DCHS2: variants seen among roughly 807,000 people sequenced by gnomAD.
DCHS2 encodes the protein protocadherin-23.
Under a neutral mutation model 182.4 loss-of-function variants are expected in DCHS2, and 142 were observed. The observed-to-expected ratio is 0.78, with a 90% CI of 0.68 to 0.89. The LOEUF (loss-of-function observed/expected upper bound fraction) is 0.89, where lower values mean the gene tolerates loss of function less well. Among genes scored for constraint, DCHS2 ranks in the 40% least tolerant of loss-of-function variants. The pLI is 0.00. For missense variants in DCHS2, 4,319 were observed against 4,198.6 expected, an observed-to-expected ratio of 1.03 and a Z score of -0.79; for synonymous variants, 1,740 against 1,663.3, an observed-to-expected ratio of 1.05 and a Z score of -1.12.
intron 1 of DCHS2, among the ~76,000 whole-genome samples, chr4:154,389,307 C>T (rs1274101137): frequency 2.0e-5 from 3 of 151,888 alleles, no homozygotes; most frequent in East Asian, 3.9e-4. Context: ...GGGCCATGTG[C>T]CATGGTTTGC....
chr4:154,376,379 C>T (rs1730893103), intron 2 of DCHS2, among the ~76,000 whole-genome samples: 2 of 151,660 alleles, frequency 1.3e-5, no homozygotes, highest in Non-Finnish European at 2.9e-5. Flanking sequence ...TTTTAAAATC[C>T]AGGAATTTAT....
At chr4:154,316,142 C>A (rs1735848738) in intron 9 of DCHS2, among the ~76,000 whole-genome samples, 155 bp from the exon 10 acceptor site, 1 of 152,178 alleles carries the variant, frequency 6.6e-6, no homozygotes, top group African/African-American at 2.4e-5. Context: ...AATGTATACA[C>A]TATCTACAAT....
chr4:154,411,287 G>A (rs867475018), intron 1 of DCHS2, among the ~76,000 whole-genome samples: 1 of 152,028 alleles, frequency 6.6e-6, no homozygotes, highest in African/African-American at 2.4e-5. Flanking sequence ...AGAATACAAA[G>A]TAGCAAATAA....
At chr4:154,272,949 T>TA (rs1015938426) in intron 13 of DCHS2, among the ~76,000 whole-genome samples, 1 of 152,112 alleles carries the variant, frequency 6.6e-6, no homozygotes, top group African/African-American at 2.4e-5. Context: ...ACTACTCACA[T>TA]ACTATTCCTC....
intron 3 of DCHS2, chr4:154,352,547 T>C (rs1480007379): frequency 6.6e-6 from 1 of 152,112 alleles, no homozygotes; most frequent in African/African-American, 2.4e-5. Context: ...AAATTAAGTA[T>C]AAAATAAAAC....
intron 1 of DCHS2, among the ~76,000 whole-genome samples, chr4:154,422,633 G>A (rs1253726818): frequency 6.6e-6 from 1 of 152,186 alleles, no homozygotes; most frequent in Non-Finnish European, 1.5e-5. Flanking sequence ...AAGCTGTTTA[G>A]TAATCTTCTG....
chr4:154,265,892 T>C (rs991833307), intron 14 of DCHS2, among the ~76,000 whole-genome samples: 2 of 152,190 alleles, frequency 1.3e-5, no homozygotes, highest in Non-Finnish European at 2.9e-5. Flanking sequence ...CAGTGAATGT[T>C]TGAAACTGTG....
intron 3 of DCHS2, among the ~76,000 whole-genome samples, chr4:154,346,260 A>G (rs1022074189): frequency 4.6e-5 from 7 of 152,222 alleles, no homozygotes; most frequent in African/African-American, 1.4e-4. Context: ...AAATATTTAC[A>G]TTATTATACA....
chr4:154,455,901 C>T (rs1403978623), intron 1 of DCHS2, among the ~76,000 whole-genome samples: 2 of 152,002 alleles, frequency 1.3e-5, no homozygotes, highest in East Asian at 3.9e-4. Context: ...CCCAGCCTGG[C>T]CAACATGGTG....
intron 1 of DCHS2, among the ~76,000 whole-genome samples, chr4:154,487,401 G>A (rs1277496227): frequency 6.6e-6 from 1 of 152,176 alleles, no homozygotes; most frequent in Non-Finnish European, 1.5e-5. Flanking sequence ...AGGAGAAACA[G>A]CCAAGTTGCT....
At chr4:154,343,042 C>A (rs562282676) in intron 3 of DCHS2, among the ~76,000 whole-genome samples, 1 of 152,332 alleles carries the variant, frequency 6.6e-6, no homozygotes, top group South Asian at 2.1e-4. Context: ...TGTATATCTT[C>A]ATCAGAGCTC....
rs1731543353 is a variant in DCHS2 at position 154,236,875 on chromosome 4, TA to T, written c.7776del (p.Asn2593IlefsTer53). The T allele has an allele frequency of 6.2e-7, 1 of 1,613,976 alleles. No homozygotes were observed. The highest frequency in any genetic ancestry group is 1.3e-5 in the African/African-American group (1 of 74,922). ...NTYVEYSIIS[G>X]NSQNNFHVET... Reference sequence around the variant, plus strand: ...TCCACATGAAAATTGTTCTGTGAATTACCACTGATGATGGAATATTCAACAT... The same window carrying T: ...TCCACATGAAAATTGTTCTGTGAATTCCACTGATGATGGAATATTCAACAT... On this transcript the variant is annotated frameshift_variant, in exon 20 of 20. Coordinates refer to ENST00000357232, the MANE Select transcript of DCHS2 (RefSeq NM_001358235.2). LOFTEE classifies it low-confidence loss of function (END_TRUNC).
chr4:154,301,856 C>T (rs1735204810), intron 12 of DCHS2, among the ~76,000 whole-genome samples: 1 of 152,082 alleles, frequency 6.6e-6, no homozygotes, highest in Admixed American at 6.5e-5. Context: ...CATGAACTCA[C>T]TGGAAAAAAG....
chr4:154,237,375 CTG>C (rs1439710364), intron 19 of DCHS2: 6 of 641,644 alleles, frequency 9.4e-6, no homozygotes, highest in Non-Finnish European at 1.4e-5. Context: ...GACATTCACT[CTG>C]TGAAATATGT....
chr4:154,300,201 C>T (rs112211628), intron 12 of DCHS2, among the ~76,000 whole-genome samples: 2 of 152,014 alleles, frequency 1.3e-5, no homozygotes, highest in African/African-American at 2.4e-5. Context: ...CTGGCAGTAG[C>T]GGTAGAGGAA....
intron 1 of DCHS2, among the ~76,000 whole-genome samples, chr4:154,462,809 T>C (rs1037724672): frequency 7.9e-5 from 12 of 152,108 alleles, no homozygotes; most frequent in Admixed American, 2.0e-4. Context: ...ACCCAATATG[T>C]AGTAAAAAGA....
intron 12 of DCHS2, among the ~76,000 whole-genome samples, chr4:154,300,990 G>A (rs987077891): frequency 2.0e-5 from 3 of 152,072 alleles, no homozygotes; most frequent in Non-Finnish European, 4.4e-5. Flanking sequence ...GTAGTTCTGT[G>A]GTAATCTCCA....
At position 154,490,846 on chromosome 4, in the gene DCHS2, G is replaced by A. The variant is rs556210008; in HGVS notation, c.510C>T (p.Asp170=). 6.4e-7 allele frequency: 1 copy of A among 1,551,662 alleles called. No individual in the cohort carries two copies. Among genetic ancestry groups the A allele is most frequent in the Admixed American group, 2.0e-5 (1 of 51,016 alleles). The change falls in exon 1 of 20, where the codon GAC becomes GAT. Residue 170 remains aspartate, a synonymous_variant. Transcript: ENST00000357232. ...VNDHSPRFPL[D]SLQLDVSELS... ...GCTCGGAGACGTCGAGTTGCAGGGA[G>A]TCGAGGGGAAAGCGGGGCGAGTGGT...
intron 1 of DCHS2, among the ~76,000 whole-genome samples, chr4:154,478,916 C>T (rs1735803476): frequency 6.6e-6 from 1 of 152,134 alleles, no homozygotes; most frequent in South Asian, 2.1e-4. Context: ...ACAAAACATA[C>T]ACAATGTCCG....
Sources: allele counts gnomAD v4.1 joint callset (sites outside exome capture counted in the v4.1 genomes callset), GRCh38; gene constraint gnomAD v4.1.1; transcripts MANE v1.5; gene names NCBI Gene and HGNC (gene_info 2026-07-23, HGNC 2026-07-21).